The following KCNT2 variants were observed in gnomAD, a reference collection of about 807,000 sequenced individuals.
KCNT2 encodes potassium channel subfamily T member 2.
Under a neutral mutation model 153.8 loss-of-function variants are expected in KCNT2, and 67 were observed. That is an observed-to-expected ratio of 0.44 (90% CI 0.36 to 0.53). The LOEUF (loss-of-function observed/expected upper bound fraction) is 0.53, where lower values mean the gene tolerates loss of function less well. Ranked by LOEUF, KCNT2 falls within the 20% of genes least tolerant of loss-of-function variation. The pLI is 0.00. For missense variants in KCNT2, 975 were observed against 1,354.8 expected, an observed-to-expected ratio of 0.72 and a Z score of 4.40; for synonymous variants, 500 against 458.8, an observed-to-expected ratio of 1.09 and a Z score of -1.15.
intron 1 of KCNT2, among the ~76,000 whole-genome samples, chr1:196,540,035 A>G (rs543938044): frequency 1.1e-4 from 17 of 152,232 alleles, no homozygotes; most frequent in Middle Eastern, 3.4e-3. Context: ...TATAAAGTGA[A>G]TTAAAATGCG....
intron 22 of KCNT2, among the ~76,000 whole-genome samples, chr1:196,288,212 T>G (rs1571917655): frequency 1.3e-5 from 2 of 152,088 alleles, no homozygotes; most frequent in South Asian, 2.1e-4. Context: ...AGAGTTTAAG[T>G]ATATGGGTTG....
intron 1 of KCNT2, among the ~76,000 whole-genome samples, chr1:196,508,088 TATA>T (rs1443629657): frequency 5.4e-5 from 8 of 147,226 alleles, no homozygotes; most frequent in African/African-American, 2.0e-4. Context: ...GACTCATGCA[TATA>T]ATAAGTATTA....
At chr1:196,341,860 A>C (rs1665668633) in intron 15 of KCNT2, among the ~76,000 whole-genome samples, 1 of 152,142 alleles carries the variant, frequency 6.6e-6, no homozygotes, top group Non-Finnish European at 1.5e-5. Flanking sequence ...AAAGTGGCTA[A>C]ATGAAATATT....
chr1:196,602,724 A>AT (rs550555365), intron 1 of KCNT2, among the ~76,000 whole-genome samples: 233 of 147,156 alleles, frequency 1.6e-3, no homozygotes, highest in Non-Finnish European at 2.6e-3. Context: ...TAAATAATAC[A>AT]TTTTTCTCTG....
At chr1:196,355,974 T>A (rs1667141870) in intron 14 of KCNT2, among the ~76,000 whole-genome samples, 1 of 151,796 alleles carries the variant, frequency 6.6e-6, no homozygotes, top group African/African-American at 2.4e-5. Context: ...TTATATTACA[T>A]TGCTATATCT....
At chr1:196,329,421 C>G (rs917177075) in intron 18 of KCNT2, among the ~76,000 whole-genome samples, 1 of 151,992 alleles carries the variant, frequency 6.6e-6, no homozygotes, top group Non-Finnish European at 1.5e-5. Context: ...TATTGTGCCT[C>G]CATCAATCCT....
intron 21 of KCNT2, among the ~76,000 whole-genome samples, chr1:196,314,615 C>T (rs532320130): frequency 7.9e-5 from 12 of 151,736 alleles, no homozygotes; most frequent in Admixed American, 3.3e-4. Context: ...CTTTAAATAA[C>T]TGATCTCTAA....
chr1:196,316,119 T>C (rs1465598130), intron 20 of KCNT2, 93 bp from the exon 21 acceptor site: 3 of 1,171,864 alleles, frequency 2.6e-6, no homozygotes, highest in African/African-American at 1.6e-5. Context: ...TGTGCTTATA[T>C]AAGTTGCCTT....
chr1:196,543,579 T>C (rs1656667308), intron 1 of KCNT2, among the ~76,000 whole-genome samples: 1 of 152,160 alleles, frequency 6.6e-6, no homozygotes, highest in South Asian at 2.1e-4. Flanking sequence ...AACTCTGATT[T>C]TTATCTTTGA....
intron 21 of KCNT2, among the ~76,000 whole-genome samples, chr1:196,305,853 A>G (rs1350846844): frequency 1.3e-5 from 2 of 152,144 alleles, no homozygotes; most frequent in Non-Finnish European, 2.9e-5. Flanking sequence ...TAATTTATGT[A>G]AAACTTCATT....
At chr1:196,230,648 G>T (rs1454855000) in intron 27 of KCNT2, among the ~76,000 whole-genome samples, 1 of 152,002 alleles carries the variant, frequency 6.6e-6, no homozygotes, top group Non-Finnish European at 1.5e-5. Flanking sequence ...AATGGAGGAA[G>T]TAACTGCAGT....
chr1:196,387,277 A>T (rs1011268321), intron 13 of KCNT2, among the ~76,000 whole-genome samples: 5 of 151,908 alleles, frequency 3.3e-5, no homozygotes, highest in Non-Finnish European at 4.4e-5. Context: ...CAGCCATATT[A>T]AGTGTTTTCA....
intron 17 of KCNT2, among the ~76,000 whole-genome samples, chr1:196,333,094 G>GTTTTTT (rs199829441): frequency 7.1e-6 from 1 of 141,738 alleles, no homozygotes; most frequent in Non-Finnish European, 1.6e-5. Flanking sequence ...CCAGCTGCAA[G>GTTTTTT]TTTTTTTTTT....
At chr1:196,464,353 TTAAATGA>T (rs1677418290) in intron 8 of KCNT2, among the ~76,000 whole-genome samples, 1 of 151,924 alleles carries the variant, frequency 6.6e-6, no homozygotes, top group Non-Finnish European at 1.5e-5. Context: ...TCTACTGTTT[TTAAATGA>T]TAAAAGTATG....
At chr1:196,345,442 G>C (rs1412910453) in intron 14 of KCNT2, among the ~76,000 whole-genome samples, 1 of 152,134 alleles carries the variant, frequency 6.6e-6, no homozygotes, top group Non-Finnish European at 1.5e-5. Context: ...AGCCAGTTTA[G>C]CTGGAATTCA....
At chr1:196,424,623 A>T (rs1673491519) in intron 11 of KCNT2, among the ~76,000 whole-genome samples, 1 of 151,968 alleles carries the variant, frequency 6.6e-6, no homozygotes, top group Non-Finnish European at 1.5e-5. Flanking sequence ...AAAGAAATGT[A>T]ATTTTCCAAT....
intron 1 of KCNT2, among the ~76,000 whole-genome samples, chr1:196,508,718 T>C (rs934985297): frequency 2.0e-5 from 3 of 152,162 alleles, no homozygotes; most frequent in South Asian, 2.1e-4. Context: ...TCAGGAAATA[T>C]ACATAAGACT....
chr1:196,550,175 C>T (rs1657703880), intron 1 of KCNT2, among the ~76,000 whole-genome samples: 2 of 151,860 alleles, frequency 1.3e-5, no homozygotes, highest in Non-Finnish European at 2.9e-5. Context: ...CAATCCCACT[C>T]CCATATGCTT....
At chr1:196,319,822 A>G (rs1663106287) in intron 19 of KCNT2, among the ~76,000 whole-genome samples, 1 of 151,836 alleles carries the variant, frequency 6.6e-6, no homozygotes, top group Non-Finnish European at 1.5e-5. Context: ...ACAAAAATAC[A>G]GAATTGATAT....
Sources: gnomAD v4.1 joint callset for allele counts (sites outside exome capture counted in the v4.1 genomes callset) on GRCh38, gnomAD v4.1.1 for gene constraint, MANE v1.5 for transcripts, NCBI Gene and HGNC (gene_info 2026-07-23, HGNC 2026-07-21) for gene names.